Variants in RIF1 observed in about 807,000 individuals in gnomAD.
RIF1 encodes telomere-associated protein RIF1.
In RIF1, 45 loss-of-function variants were observed where a neutral mutation model predicts 247.1. The observed-to-expected ratio is 0.18, with a 90% confidence interval of 0.14 to 0.23. The LOEUF (loss-of-function observed/expected upper bound fraction) is 0.23, where lower values mean the gene tolerates loss of function less well. RIF1 is among the 10% of genes least tolerant of loss of function. The pLI, the probability that RIF1 is intolerant of heterozygous loss-of-function variation, is 1.00. For missense variants in RIF1, 2,967 were observed against 2,862.5 expected, an observed-to-expected ratio of 1.04 and a Z score of -0.83; for synonymous variants, 1,087 against 978.8, an observed-to-expected ratio of 1.11 and a Z score of -2.06.
At chr2:151,447,975 T>G (rs1693613306) in intron 20 of RIF1, among the ~76,000 whole-genome samples, 1 of 152,210 alleles carries the variant, frequency 6.6e-6, no homozygotes, top group African/African-American at 2.4e-5. Context: ...TGTGCCTGTT[T>G]TCTCTATAGC....
chr2:151,506,215 T>C, exon 13 of RIF1: 1 of 1,613,828 alleles, frequency 6.2e-7, no homozygotes. Context: ...CTCAGGTGTC[T>C]TTCCGATAGC....
Position 151,475,109 on chromosome 2 carries a change from C to A in RIF1, c.*38C>A. 7.3e-7 allele frequency: 1 copy of A among 1,378,448 alleles called. No homozygotes were observed. Among genetic ancestry groups the A allele is most frequent in the Non-Finnish European group, 1.0e-6 (1 of 970,178 alleles). 85.4% of individuals were successfully genotyped at this position (1,378,448 alleles called of 1,614,324 possible). A position where few individuals can be genotyped will look rare whatever the true frequency, so the allele number is the denominator to read the frequency against. On this transcript the variant is annotated 3_prime_UTR_variant, in exon 36 of 36. Transcript: ENST00000444746. Reference sequence around the variant, plus strand: ...AAATTGAAGGTTTTTTTAAACATCACTGGATTTCTTGATTGAGGAAACAAG... The same window carrying A: ...AAATTGAAGGTTTTTTTAAACATCAATGGATTTCTTGATTGAGGAAACAAG...
downstream of RIF1, among the ~76,000 whole-genome samples, chr2:151,511,368 C>G (rs1430886485): frequency 1.3e-5 from 2 of 152,206 alleles, no homozygotes; most frequent in Non-Finnish European, 2.9e-5. Flanking sequence ...CTATATTTTT[C>G]ATGTGTAATT....
At chr2:151,458,341 T>C (rs1695569363) in intron 24 of RIF1, among the ~76,000 whole-genome samples, 1 of 150,142 alleles carries the variant, frequency 6.7e-6, no homozygotes, top group African/African-American at 2.4e-5. Flanking sequence ...CAAGCGATTC[T>C]CCTGCCTCAG....
the RIF1 span, chr2:151,531,833 C>T: frequency 4.3e-6 from 7 of 1,613,132 alleles, no homozygotes; most frequent in Non-Finnish European, 5.9e-6. Context: ...CGCAGGTGTT[C>T]TGGAGTATCC....
At chr2:151,491,378 A>C in intron 9 of RIF1, 1 of 260,700 alleles carries the variant, frequency 3.8e-6, no homozygotes, top group East Asian at 8.9e-5. Flanking sequence ...CCCTTTGCCT[A>C]TGTATTTTAT....
At chr2:151,494,373 G>C (rs2058693589) in intron 9 of RIF1, 1 of 689,572 alleles carries the variant, frequency 1.5e-6, no homozygotes, top group Non-Finnish European at 2.5e-6. Flanking sequence ...TGGGCAATTA[G>C]GTTAGATGGA....
intron 9 of RIF1, chr2:151,493,845 C>G: frequency 6.4e-7 from 1 of 1,573,980 alleles, no homozygotes. Flanking sequence ...GGTTGCTTTC[C>G]CCAGGTTCTC....
chr2:151,463,851 G>T lies in RIF1; in HGVS notation c.4331G>T (p.Arg1444Leu). Residue 1444 changes from arginine to leucine, a missense_variant, in exon 30 of 36, where the codon CGT becomes CTT. Arg to Leu is a moderately radical substitution (Grantham distance 102, BLOSUM62 -2). This residue lies in a region of RIF1 where 2,028 missense variants were observed against 1,825.6 expected (regional missense o/e 1.11). Coordinates refer to ENST00000444746, the MANE Select transcript of RIF1 (RefSeq NM_018151.5). ...KENSHQKKER[R>L]KEEEKPLQKS... ...AATAGTCATCAAAAAAAGGAACGAC[G>T]TAAGGAAGAAGAAAAACCTCTTCAG... 6.2e-7 allele frequency: 1 copy of T among 1,612,448 alleles called. No homozygotes were observed.
intron 4 of RIF1, among the ~76,000 whole-genome samples, chr2:151,415,563 C>CA (rs3040729): frequency 0.021 from 929 of 44,864 alleles, 42 homozygotes; most frequent in African/African-American, 0.04. Flanking sequence ...GACTCTGTCT[C>CA]AAAAAAAAAA....
chr2:151,499,177 G>A (rs1403774140), intron 10 of RIF1: 6 of 534,220 alleles, frequency 1.1e-5, no homozygotes, highest in Non-Finnish European at 2.0e-5. Context: ...GCAGCATTAA[G>A]TTGGGAAAAA....
intron 21 of RIF1, among the ~76,000 whole-genome samples, chr2:151,452,675 A>G (rs1185578193): frequency 1.3e-5 from 2 of 152,226 alleles, no homozygotes; most frequent in Admixed American, 1.3e-4. Context: ...AGGACCTAAT[A>G]TGATTACCTC....
At chr2:151,499,433 A>T (rs1316298128) in exon 11 of RIF1, 1 of 1,094,664 alleles carries the variant, frequency 9.1e-7, no homozygotes. Context: ...AAGAGCAGTC[A>T]AAACAGCCCT....
At position 151,454,351 on chromosome 2, in the gene RIF1, A is replaced by T. The variant is rs566980788; in HGVS notation, c.2345-544A>T. Among the ~76,000 whole-genome samples, 6 of 152,296 alleles carry T rather than the reference A, an allele frequency of 3.9e-5. No individual in the cohort carries two copies. The East Asian group carries it at 1.2e-3, about 29-fold the overall frequency. On this transcript the variant is annotated intron_variant, in intron 21 of 35. Coordinates refer to ENST00000444746, the MANE Select transcript of RIF1 (RefSeq NM_018151.5). ...AAAATCAGACAGTACTTTTAGGACAAATCTTTTTCTTTATATCTAGGAAAT... is the reference window on the plus strand; with the variant it reads ...AAAATCAGACAGTACTTTTAGGACATATCTTTTTCTTTATATCTAGGAAAT...
chr2:151,495,114 T>TATC (rs1467256073), intron 9 of RIF1: 8 of 152,238 alleles, frequency 5.3e-5, no homozygotes, highest in Admixed American at 4.6e-4. Context: ...ACATTCAGCT[T>TATC]ATCATTAAGG....
chr2:151,486,122 CAATT>C (rs1331889120), downstream of RIF1, among the ~76,000 whole-genome samples: 1 of 152,108 alleles, frequency 6.6e-6, no homozygotes, highest in Non-Finnish European at 1.5e-5. Context: ...ATCTGATAGG[CAATT>C]AATATCCAGA....
At chr2:151,498,487 C>CAACCTG in intron 10 of RIF1, 1 of 628,228 alleles carries the variant, frequency 1.6e-6, no homozygotes, top group Middle Eastern at 2.6e-4. Context: ...CTTTTAGACT[C>CAACCTG]AACCTGTTTG....
intron 14 of RIF1, among the ~76,000 whole-genome samples, chr2:151,439,681 A>AT (rs1482112573): frequency 1.3e-5 from 2 of 151,154 alleles, no homozygotes; most frequent in African/African-American, 4.9e-5. Flanking sequence ...AAAAAAAAAA[A>AT]AAAGTAAATA....
chr2:151,434,658 T>G (rs1690824343), intron 10 of RIF1, among the ~76,000 whole-genome samples: 2 of 152,072 alleles, frequency 1.3e-5, no homozygotes, highest in Non-Finnish European at 2.9e-5. Flanking sequence ...GCCAGGATGG[T>G]CTCGATCTCC....
Sources: allele counts gnomAD v4.1 joint callset (sites outside exome capture counted in the v4.1 genomes callset), GRCh38; gene constraint gnomAD v4.1.1; regional missense constraint gnomAD v4.1.1; transcripts MANE v1.5; gene names NCBI Gene and HGNC (gene_info 2026-07-23, HGNC 2026-07-21).